Variants in H2BC5 observed in about 807,000 individuals in gnomAD.
H2BC5 encodes the protein histone H2B type 1-D.
In H2BC5, 9 loss-of-function variants were observed where a neutral mutation model predicts 5.7. That is an observed-to-expected ratio of 1.57 (90% CI 0.95 to 2.74). The LOEUF (loss-of-function observed/expected upper bound fraction) is 2.74. Among genes scored for constraint, H2BC5 ranks in the 30% most tolerant of loss-of-function variants. The probability of loss-of-function intolerance (pLI) is 0.00; values close to 1 mark genes in which losing one functional copy is unlikely to be tolerated. For missense variants in H2BC5, 175 were observed against 168.8 expected, an observed-to-expected ratio of 1.04 and a Z score of -0.20; for synonymous variants, 133 against 70.9, an observed-to-expected ratio of 1.88 and a Z score of -4.40.
chr6:26,159,243 G>GTTTTTTTTTTTTTTTTTTTTTTTTTTTTT, downstream of H2BC5, among the ~76,000 whole-genome samples: 1 of 61,402 alleles, frequency 1.6e-5, no homozygotes, highest in Non-Finnish European at 3.1e-5. Flanking sequence ...TAATTTATAG[G>GTTTTTTTTTTTTTTTTTTTTTTTTTTTTT]TTTTTTTTTT....
rs747083306 is a variant in H2BC5, at chr6:26,158,153, T to C, written c.-17T>C. On this transcript the variant is annotated 5_prime_UTR_variant, in exon 1 of 1. Coordinates refer to ENST00000377777, the MANE Select transcript of H2BC5 (RefSeq NM_021063.4). The stretch of plus-strand genomic sequence containing the variant: ...TTCTCAGGTGTTTGCAACAGTGTTC[T>C]AACTATTAACGCTACGATGCCTGAA... The C allele has an allele frequency of 1.4e-5, 22 of 1,608,040 alleles. No homozygotes were observed. Among genetic ancestry groups the C allele is most frequent in the South Asian group, 1.2e-4 (11 of 90,512 alleles).
At position 26,158,439 on chromosome 6, in the gene H2BC5, C is replaced by T; in HGVS notation, c.270C>T (p.Ile90=). 6.2e-7 allele frequency: 1 copy of T among 1,614,268 alleles called. No homozygotes were observed. Among genetic ancestry groups the T allele is most frequent in the Non-Finnish European group, 8.5e-7 (1 of 1,180,046 alleles). ...RLAHYNKRST[I]TSREIQTAVR... Reference sequence around the variant, plus strand: ...CGCATTACAACAAGCGCTCGACCATCACCTCCAGGGAGATCCAGACGGCCG... The same window carrying T: ...CGCATTACAACAAGCGCTCGACCATTACCTCCAGGGAGATCCAGACGGCCG... The change falls in exon 1 of 1, where the codon ATC becomes ATT. Residue 90 remains isoleucine (I), a synonymous_variant. Transcript: ENST00000377777.
At chr6:26,159,243 G>T (rs200503492), downstream of H2BC5, among the ~76,000 whole-genome samples, 292 of 61,462 alleles carry the variant, frequency 4.8e-3, 4 homozygotes, top group East Asian at 0.046. Flanking sequence ...TAATTTATAG[G>T]TTTTTTTTTT....
downstream of H2BC5, among the ~76,000 whole-genome samples, chr6:26,162,091 A>G (rs1764359890): frequency 6.6e-6 from 1 of 152,242 alleles, no homozygotes; most frequent in East Asian, 1.9e-4. Flanking sequence ...CCAAATTTTT[A>G]CAGATGTAAT....
chr6:26,167,049 CTTTTTTTTTTTTTT>C (rs149341201), intron 1 of H2BC5, among the ~76,000 whole-genome samples: 1 of 97,026 alleles, frequency 1.0e-5, no homozygotes, highest in South Asian at 3.9e-4. Context: ...TTTGTTTTCT[CTTTTTTTTTTTTTT>C]TTTTTTTTGT....
chr6:26,168,292 C>G (rs1478534532), intron 1 of H2BC5, among the ~76,000 whole-genome samples: 1 of 151,988 alleles, frequency 6.6e-6, no homozygotes, highest in Non-Finnish European at 1.5e-5. Flanking sequence ...AACCCCGTCT[C>G]TACTAAAAAT....
At chr6:26,163,710 G>C (rs1764382370) in intron 1 of H2BC5, 1 of 152,988 alleles carries the variant, frequency 6.5e-6, no homozygotes, top group Non-Finnish European at 1.5e-5. Flanking sequence ...GAAAGGGGAA[G>C]GAATAAGCCG....
intron 1 of H2BC5, among the ~76,000 whole-genome samples, chr6:26,166,171 G>T (rs749334148): frequency 6.6e-6 from 1 of 152,236 alleles, no homozygotes; most frequent in Non-Finnish European, 1.5e-5. Flanking sequence ...GCTGGAAGTA[G>T]GAGACAGTAC....
downstream of H2BC5, among the ~76,000 whole-genome samples, chr6:26,161,625 A>T (rs984567998): frequency 6.6e-6 from 1 of 152,030 alleles, no homozygotes; most frequent in African/African-American, 2.4e-5. Flanking sequence ...ACAAAAAATT[A>T]GCCAGGCATG....
chr6:26,158,571 TA>T lies in H2BC5; in HGVS notation c.*22del. ...AGTAACTTTGCCAAGTAAGCATCTT[TA>T]CACCTAATCCCAAAGGCTCTTTTAA... On this transcript the variant is annotated 3_prime_UTR_variant, in exon 1 of 1. Coordinates refer to ENST00000377777, the MANE Select transcript of H2BC5 (RefSeq NM_021063.4). 6.2e-7 allele frequency: 1 copy of T among 1,612,558 alleles called. No individual in the cohort carries two copies. The highest frequency in any genetic ancestry group is 8.5e-7 in the Non-Finnish European group (1 of 1,179,368).
rs777560813 is a variant in H2BC5 at position 26,158,554 on chromosome 6, T to G, written c.*4T>G. On this transcript the variant is annotated 3_prime_UTR_variant, in exon 1 of 1. Transcript: ENST00000377777. ...CAAGTACACCAGTTCCAAGTAACTT[T>G]GCCAAGTAAGCATCTTTACACCTAA... The G allele has an allele frequency of 6.2e-7, 1 of 1,614,018 alleles. No individual in the cohort carries two copies. Among genetic ancestry groups the G allele is most frequent in the Non-Finnish European group, 8.5e-7 (1 of 1,179,960 alleles).
chr6:26,167,768 C>T (rs1270076537), intron 1 of H2BC5, among the ~76,000 whole-genome samples: 3 of 151,812 alleles, frequency 2.0e-5, no homozygotes, highest in Non-Finnish European at 4.4e-5. Context: ...AAGATAAGAA[C>T]TCAGAGCTAT....
At chr6:26,161,749 G>A (rs1433727818), downstream of H2BC5, among the ~76,000 whole-genome samples, 1 of 152,130 alleles carries the variant, frequency 6.6e-6, no homozygotes, top group Non-Finnish European at 1.5e-5. Context: ...TCCAGCCTGG[G>A]CAATGAGAGT....
chr6:26,161,842 C>T (rs1249681952), downstream of H2BC5, among the ~76,000 whole-genome samples: 1 of 152,106 alleles, frequency 6.6e-6, no homozygotes, highest in Non-Finnish European at 1.5e-5. Context: ...TTGACCTAAT[C>T]ACAGTACCAG....
At chr6:26,159,456 CT>C (rs1302951169), downstream of H2BC5, among the ~76,000 whole-genome samples, 5 of 151,950 alleles carry the variant, frequency 3.3e-5, no homozygotes, top group South Asian at 2.1e-4. Context: ...GAAAGAAAAC[CT>C]CCTTCTGGCA....
chr6:26,161,498 A>T (rs1043930345), downstream of H2BC5, among the ~76,000 whole-genome samples: 6 of 152,066 alleles, frequency 3.9e-5, no homozygotes, highest in African/African-American at 1.4e-4. Flanking sequence ...GGGCTGGGCA[A>T]GGTGACTCAT....
intron 1 of H2BC5, among the ~76,000 whole-genome samples, chr6:26,166,491 C>T (rs778978084): frequency 1.9e-4 from 29 of 152,070 alleles, no homozygotes; most frequent in Non-Finnish European, 3.2e-4. Context: ...CATTGTTTTT[C>T]CTATGCTGCT....
chr6:26,158,596 A>G lies in H2BC5; in HGVS notation c.*46A>G, dbSNP rs758064261. The stretch of plus-strand genomic sequence containing the variant: ...TACACCTAATCCCAAAGGCTCTTTT[A>G]AGAGCCACGCATGTTTTCAATAAAT... On this transcript the variant is annotated 3_prime_UTR_variant, in exon 1 of 1. Transcript: ENST00000377777. 4.4e-6 allele frequency: 7 copies of G among 1,599,008 alleles called. No individual in the cohort carries two copies. The highest frequency in any genetic ancestry group is 6.0e-6 in the Non-Finnish European group (7 of 1,173,542).
At chr6:26,168,712 C>A (rs532480956) in intron 1 of H2BC5, among the ~76,000 whole-genome samples, 2 of 152,154 alleles carry the variant, frequency 1.3e-5, no homozygotes, top group African/African-American at 4.8e-5. Flanking sequence ...CCCACAGAGA[C>A]AAAGCCCATT....
Sources: allele counts gnomAD v4.1 joint callset (sites outside exome capture counted in the v4.1 genomes callset), GRCh38; gene constraint gnomAD v4.1.1; transcripts MANE v1.5; gene names NCBI Gene and HGNC (gene_info 2026-07-23, HGNC 2026-07-21).